CMTM8: variants seen among roughly 807,000 people sequenced by gnomAD.
CMTM8 encodes CKLF-like MARVEL transmembrane domain-containing protein 8.
Under a neutral mutation model 18.6 loss-of-function variants are expected in CMTM8, and 12 were observed. The ratio of observed to expected loss-of-function variants is 0.65; its 90% CI spans 0.41 to 1.05. CMTM8 has a LOEUF of 1.05. Among genes scored for constraint, CMTM8 ranks in the 50% least tolerant of loss-of-function variants. CMTM8 has a pLI of 0.00. For missense variants in CMTM8, 217 were observed against 227.2 expected (o/e 0.95, Z 0.29); for synonymous variants, 87 against 90.6 (o/e 0.96, Z 0.23).
chr3:32,361,358 C>T (rs1280726116), intron 2 of CMTM8, among the ~76,000 whole-genome samples: 2 of 138,760 alleles, frequency 1.4e-5, no homozygotes, highest in Non-Finnish European at 3.1e-5. Flanking sequence ...GTGACATGTA[C>T]CCCTGAGTCT....
At chr3:32,275,699 G>A (rs2125546478) in intron 1 of CMTM8, among the ~76,000 whole-genome samples, 1 of 144,416 alleles carries the variant, frequency 6.9e-6, no homozygotes, top group East Asian at 2.1e-4. Flanking sequence ...ACCCAGGCTG[G>A]AGTGTGATAG....
chr3:32,266,084 A>G (rs1162828459), intron 1 of CMTM8, among the ~76,000 whole-genome samples: 31 of 152,238 alleles, frequency 2.0e-4, no homozygotes, highest in African/African-American at 6.7e-4. Flanking sequence ...AAAAGAGGGA[A>G]TCCTCCCTAA....
chr3:32,366,236 C>T (rs1376614064), intron 2 of CMTM8, among the ~76,000 whole-genome samples: 1 of 152,228 alleles, frequency 6.6e-6, no homozygotes, highest in Non-Finnish European at 1.5e-5. Context: ...TCTACCAACC[C>T]TCTTCCCCTT....
At chr3:32,256,373 T>C (rs1405902147) in intron 1 of CMTM8, among the ~76,000 whole-genome samples, 1 of 151,986 alleles carries the variant, frequency 6.6e-6, no homozygotes, top group Non-Finnish European at 1.5e-5. Context: ...CCTGGCTGCA[T>C]TCAGTGTTGT....
chr3:32,244,932 A>G (rs1051394128), intron 1 of CMTM8, among the ~76,000 whole-genome samples: 1 of 152,250 alleles, frequency 6.6e-6, no homozygotes, highest in African/African-American at 2.4e-5. Flanking sequence ...CATCAGTAGT[A>G]TGAGCCTTTT....
intron 2 of CMTM8, among the ~76,000 whole-genome samples, chr3:32,360,345 A>G (rs938421946): frequency 6.6e-6 from 1 of 152,248 alleles, no homozygotes; most frequent in South Asian, 2.1e-4. Context: ...GCTTACAGCC[A>G]TATTCTTAGA....
At chr3:32,335,779 G>A (rs957644756) in intron 1 of CMTM8, among the ~76,000 whole-genome samples, 8 of 152,158 alleles carry the variant, frequency 5.3e-5, no homozygotes, top group Non-Finnish European at 1.5e-5. Context: ...ACATGACAAA[G>A]GAATATAGAT....
At chr3:32,343,097 C>T (rs1696531598) in intron 1 of CMTM8, among the ~76,000 whole-genome samples, 1 of 152,210 alleles carries the variant, frequency 6.6e-6, no homozygotes, top group African/African-American at 2.4e-5. Flanking sequence ...GGGAATCAAA[C>T]AATGAAGACT....
rs574209747 is a variant in CMTM8, at chr3:32,358,336, C to T, written c.321+790C>T. On this transcript the variant is annotated intron_variant, in intron 2 of 3. Coordinates refer to ENST00000307526, the MANE Select transcript of CMTM8 (RefSeq NM_178868.5). This position sits in a 1 kb window ranked among gnomAD's most constrained non-coding sequence, Gnocchi z 4.1. ...GAGATGGAAAGTGGGTTCCCCTTGCCTTAAGAGCATTGACAATCTGGTTGG... is the reference window on the plus strand; with the variant it reads ...GAGATGGAAAGTGGGTTCCCCTTGCTTTAAGAGCATTGACAATCTGGTTGG... Among the ~76,000 whole-genome samples the T allele has an allele frequency of 4.0e-4, 61 of 152,258 alleles. No homozygotes were observed. The highest frequency in any genetic ancestry group is 1.2e-3 in the South Asian group (6 of 4,818).
intron 1 of CMTM8, among the ~76,000 whole-genome samples, chr3:32,306,791 G>A (rs1344402616): frequency 6.6e-6 from 1 of 152,158 alleles, no homozygotes; most frequent in Non-Finnish European, 1.5e-5. Context: ...TTAGACTCAT[G>A]TTTTAGAGGG....
At chr3:32,347,502 G>C (rs770854677) in intron 1 of CMTM8, among the ~76,000 whole-genome samples, 6 of 151,778 alleles carry the variant, frequency 4.0e-5, no homozygotes, top group Non-Finnish European at 7.4e-5. Context: ...GGGCTTGGAG[G>C]GGGCAGGGAC....
intron 1 of CMTM8, among the ~76,000 whole-genome samples, chr3:32,320,290 A>T (rs1320090876): frequency 6.6e-6 from 1 of 152,236 alleles, no homozygotes; most frequent in Non-Finnish European, 1.5e-5. Flanking sequence ...AATATTGTTC[A>T]GTCATTAAAA....
At chr3:32,342,580 T>G (rs1205151524) in intron 1 of CMTM8, among the ~76,000 whole-genome samples, 1 of 152,184 alleles carries the variant, frequency 6.6e-6, no homozygotes, top group African/African-American at 2.4e-5. Flanking sequence ...AGACAGAGCT[T>G]CAGGGTTACA....
intron 3 of CMTM8, among the ~76,000 whole-genome samples, chr3:32,368,834 A>T (rs1426634904): frequency 6.6e-6 from 1 of 151,884 alleles, no homozygotes; most frequent in South Asian, 2.1e-4. Flanking sequence ...AATTAAAAAA[A>T]ACTGGTATTA....
chr3:32,239,939 A>G (rs1701924840), intron 1 of CMTM8, among the ~76,000 whole-genome samples: 1 of 152,220 alleles, frequency 6.6e-6, no homozygotes, highest in South Asian at 2.1e-4. Context: ...GAGGGGACGT[A>G]AATCACACCG....
chr3:32,350,949 G>A (rs1419499089), intron 1 of CMTM8, among the ~76,000 whole-genome samples: 3 of 152,126 alleles, frequency 2.0e-5, no homozygotes, highest in South Asian at 2.1e-4. Context: ...GTGAGCCACC[G>A]CACCTGGCTC....
chr3:32,267,349 G>A (rs1049590872), intron 1 of CMTM8, among the ~76,000 whole-genome samples: 78 of 152,168 alleles, frequency 5.1e-4, no homozygotes, highest in Admixed American at 1.2e-3. Flanking sequence ...AAGAAATGGG[G>A]AAAGGATTCC....
chr3:32,257,868 A>G (rs1401131411), intron 1 of CMTM8, among the ~76,000 whole-genome samples: 3 of 152,198 alleles, frequency 2.0e-5, no homozygotes, highest in African/African-American at 2.4e-5. Context: ...ACAGGTTTTC[A>G]TCGTGTGATA....
At chr3:32,266,718 C>T (rs936034203) in intron 1 of CMTM8, among the ~76,000 whole-genome samples, 2 of 152,086 alleles carry the variant, frequency 1.3e-5, no homozygotes, top group Non-Finnish European at 2.9e-5. Flanking sequence ...TCATCTCAGC[C>T]CAAAATCTCC....
Sources: allele counts gnomAD v4.1 joint callset (sites outside exome capture counted in the v4.1 genomes callset), GRCh38; gene constraint gnomAD v4.1.1; non-coding constraint Gnocchi (gnomAD v3.1); transcripts MANE v1.5; gene names NCBI Gene and HGNC (gene_info 2026-07-23, HGNC 2026-07-21).